Variants in SNURF observed in about 807,000 individuals in gnomAD.
SNURF encodes SNURF protein.
In SNURF, 6 loss-of-function variants were observed where a neutral mutation model predicts 11.6. The ratio of observed to expected loss-of-function variants is 0.52; its 90% CI spans 0.28 to 1.02. The LOEUF (loss-of-function observed/expected upper bound fraction) is 1.02. Ranked by LOEUF, SNURF falls within the 50% of genes least tolerant of loss-of-function variation. The pLI, the probability that SNURF is intolerant of heterozygous loss-of-function variation, is 0.09. For synonymous variants in SNURF, 29 were observed against 31.6 expected (o/e 0.92, Z 0.27); for missense variants, 84 against 88.4 (o/e 0.95, Z 0.20).
At chr15:24,961,208 G>A (rs1181470255) in intron 1 of SNURF, among the ~76,000 whole-genome samples, 1 of 152,118 alleles carries the variant, frequency 6.6e-6, no homozygotes, top group African/African-American at 2.4e-5. Flanking sequence ...TCAAATATGT[G>A]TGTATGGCTT....
exon 3 of SNURF, chr15:24,968,099 C>A: frequency 7.3e-7 from 1 of 1,362,546 alleles, no homozygotes. Flanking sequence ...GCTAATGCAG[C>A]AATGATCAAG....
chr15:24,974,383 A>G (rs2076822295), intron 3 of SNURF: 5 of 1,463,290 alleles, frequency 3.4e-6, no homozygotes, highest in Non-Finnish European at 4.8e-6. Flanking sequence ...ACCTTTATCT[A>G]TAGCCTTCCC....
intron 3 of SNURF, chr15:24,974,480 G>T (rs1182973940): frequency 6.2e-7 from 1 of 1,612,276 alleles, no homozygotes; most frequent in Admixed American, 1.7e-5. Context: ...TAAGGCTGAG[G>T]GTTGAAATGT....
rs1184656721 is a variant in SNURF at position 24,976,769 on chromosome 15, T to C, written c.*310-108T>C. On this transcript the variant is annotated intron_variant and NMD_transcript_variant, in intron 5 of 6. Coordinates refer to the SNURF transcript ENST00000580062. ...TGTTCATTTGGACACAGAACTAATA[T>C]GAGATAGGTGTCATGGGAAAATGGT... is the stretch of plus-strand genomic sequence containing the variant. The C allele has an allele frequency of 1.3e-4, 120 of 948,974 alleles. No individual in the cohort carries two copies. The East Asian group carries it at 1.5e-3, about 12-fold the overall frequency. The allele number at this position is 948,974 out of a possible 1,614,324, so 58.8% of individuals were successfully genotyped here. A position where few individuals can be genotyped will look rare whatever the true frequency, so the allele number is the denominator to read the frequency against.
At chr15:24,968,104 A>C in exon 3 of SNURF, 1 of 1,335,064 alleles carries the variant, frequency 7.5e-7, no homozygotes, top group Non-Finnish European at 1.1e-6. Context: ...TGCAGCAATG[A>C]TCAAGAATAA....
chr15:24,966,387 C>T (rs1038023225), intron 2 of SNURF, among the ~76,000 whole-genome samples: 1 of 152,080 alleles, frequency 6.6e-6, no homozygotes, highest in African/African-American at 2.4e-5. Flanking sequence ...TGCACATTAG[C>T]GTATATCACC....
At chr15:24,977,802 A>G (rs756947921) in exon 7 of SNURF, 51 of 1,612,796 alleles carry the variant, frequency 3.2e-5, no homozygotes, top group Non-Finnish European at 4.0e-5. Context: ...GGGAAGAGGC[A>G]CTGTAGCAGC....
intron 3 of SNURF, chr15:24,974,544 T>C (rs2076841223): frequency 1.6e-6 from 2 of 1,240,298 alleles, no homozygotes; most frequent in Non-Finnish European, 2.4e-6. Flanking sequence ...TCTTGGGTTC[T>C]GAATGTTAGA....
intron 3 of SNURF, chr15:24,975,010 T>A (rs2076905101): frequency 1.4e-6 from 1 of 702,364 alleles, no homozygotes; most frequent in Non-Finnish European, 2.6e-6. Flanking sequence ...GGTTTTGGCA[T>A]TAACAGTACA....
chr15:24,956,801 C>T (rs1046508488), intron 1 of SNURF, among the ~76,000 whole-genome samples: 26 of 152,138 alleles, frequency 1.7e-4, no homozygotes, highest in African/African-American at 6.0e-4. Context: ...GGGAATGTGG[C>T]TAGAGGCCAG....
intron 3 of SNURF, chr15:24,974,773 G>A: frequency 1.6e-6 from 1 of 617,886 alleles, no homozygotes; most frequent in Non-Finnish European, 2.9e-6. Context: ...TGGCCAGGCT[G>A]GTCTCAGGCT....
chr15:24,968,053 G>C, exon 3 of SNURF: 1 of 1,610,402 alleles, frequency 6.2e-7, no homozygotes, highest in Non-Finnish European at 8.5e-7. Context: ...TATTGGAGTA[G>C]CGAGGAATCT....
intron 1 of SNURF, among the ~76,000 whole-genome samples, chr15:24,958,285 T>C (rs1164663736): frequency 6.6e-6 from 1 of 152,076 alleles, no homozygotes; most frequent in Non-Finnish European, 1.5e-5. Context: ...TTTAGCTATT[T>C]TTTAGGAAGA....
chr15:24,959,467 T>C (rs772822983), intron 1 of SNURF, among the ~76,000 whole-genome samples: 1 of 152,132 alleles, frequency 6.6e-6, no homozygotes, highest in African/African-American at 2.4e-5. Context: ...TAAAAAAAGG[T>C]AAATTCAGAA....
chr15:24,974,807 C>T, intron 3 of SNURF: 1 of 650,292 alleles, frequency 1.5e-6, no homozygotes, highest in South Asian at 1.7e-5. Context: ...GATCCACCCA[C>T]CTCGGCCTCC....
chr15:24,967,352 C>G (rs541295641), intron 2 of SNURF: 6 of 155,106 alleles, frequency 3.9e-5, no homozygotes, highest in African/African-American at 1.4e-4. Flanking sequence ...AAAGAAAGAT[C>G]TTCTTCCCTG....
At chr15:24,974,087 C>T (rs994223545) in intron 3 of SNURF, among the ~76,000 whole-genome samples, 1 of 152,046 alleles carries the variant, frequency 6.6e-6, no homozygotes, top group African/African-American at 2.4e-5. Context: ...TTAGGAATTA[C>T]TAGGTAAAAT....
At chr15:24,968,230 A>G in exon 3 of SNURF, 1 of 579,760 alleles carries the variant, frequency 1.7e-6, no homozygotes, top group Non-Finnish European at 3.1e-6. Context: ...AAAGTTTTGC[A>G]GGACCTTAAA....
At chr15:24,970,840 A>G (rs1457269351), downstream of SNURF, among the ~76,000 whole-genome samples, 2 of 152,174 alleles carry the variant, frequency 1.3e-5, no homozygotes, top group South Asian at 2.1e-4. Flanking sequence ...AACCTTTCCA[A>G]TAAAGGAAAT....
Sources: gnomAD v4.1 joint callset for allele counts (sites outside exome capture counted in the v4.1 genomes callset) on GRCh38, gnomAD v4.1.1 for gene constraint, MANE v1.5 for transcripts, NCBI Gene and HGNC (gene_info 2026-07-23, HGNC 2026-07-21) for gene names.